Variants in ZNF232 observed in about 807,000 individuals in gnomAD.
ZNF232 encodes the protein zinc finger protein 232, also known as zinc finger and SCAN domain-containing protein 11.
Under a neutral mutation model 25.2 loss-of-function variants are expected in ZNF232, and 25 were observed. The observed-to-expected ratio is 0.99, with a 90% CI of 0.72 to 1.39. ZNF232 has a LOEUF of 1.39. Among genes scored for constraint, ZNF232 ranks in the 40% most tolerant of loss-of-function variants. The pLI is 0.00. For synonymous variants in ZNF232, 193 were observed against 182.9 expected (o/e 1.06, Z -0.45); for missense variants, 519 against 520.9 (o/e 1.00, Z 0.04).
chr17:5,108,238 C>T (rs528802836), intron 3 of ZNF232, among the ~76,000 whole-genome samples: 24 of 152,258 alleles, frequency 1.6e-4, no homozygotes, highest in African/African-American at 4.3e-4. Context: ...ATTCACAATA[C>T]GGTCACAAGG....
chr17:5,109,898 T>C lies in ZNF232; in HGVS notation c.24-30A>G, dbSNP rs763483859. The C allele has an allele frequency of 4.5e-6, 7 of 1,546,608 alleles. No individual in the cohort carries two copies. In the East Asian group the frequency reaches 1.3e-4, roughly 30 times the overall value. On this transcript the variant is annotated intron_variant, in intron 1 of 3. Coordinates refer to ENST00000575898, the Ensembl canonical transcript of ZNF232. ...AACATAAGAAGAAATCATTCCTCTTTTTTTTTTTTAAGACAGAGTCTTTCT... is the reference window on the plus strand; with the variant it reads ...AACATAAGAAGAAATCATTCCTCTTCTTTTTTTTTAAGACAGAGTCTTTCT...
chr17:5,106,152 C>T, exon 4 of ZNF232: 1 of 1,614,220 alleles, frequency 6.2e-7, no homozygotes, highest in Non-Finnish European at 8.5e-7. Context: ...AGTTTTCCCA[C>T]AGTCACTACA....
At chr17:5,106,599 A>C in intron 3 of ZNF232, 66 bp from the exon 4 acceptor site, 1 of 1,322,470 alleles carries the variant, frequency 7.6e-7, no homozygotes, top group Non-Finnish European at 1.0e-6. Flanking sequence ...CAAATGCTTA[A>C]AAACAACTAT....
chr17:5,120,825 G>A (rs1352845924), intron 1 of ZNF232: 1 of 453,380 alleles, frequency 2.2e-6, no homozygotes, highest in African/African-American at 2.0e-5. Flanking sequence ...GCACACATGT[G>A]GGCACATGTG....
At chr17:5,108,882 G>C in intron 3 of ZNF232, 44 bp downstream of exon 3, 4 of 1,612,872 alleles carry the variant, frequency 2.5e-6, no homozygotes, top group Non-Finnish European at 2.5e-6. Context: ...GCCCTTTATA[G>C]TCCCTCTTTC....
exon 2 of ZNF232, chr17:5,109,618 C>A: frequency 6.2e-7 from 1 of 1,614,228 alleles, no homozygotes. Flanking sequence ...TCCCGGGGAC[C>A]AGGAGTCTCC....
At chr17:5,111,726 G>C (rs2072417321) in intron 1 of ZNF232, 74 bp downstream of exon 1, 1 of 1,610,194 alleles carries the variant, frequency 6.2e-7, no homozygotes, top group South Asian at 1.1e-5. Context: ...TCACTGCAGA[G>C]CCGCCGCTGC....
At chr17:5,107,394 GAAAAAAAAAAAA>G (rs749338515) in intron 3 of ZNF232, among the ~76,000 whole-genome samples, 6 of 60,680 alleles carry the variant, frequency 9.9e-5, no homozygotes, top group African/African-American at 1.2e-4. Context: ...TCTCAAAAAG[GAAAAAAAAAAAA>G]AAAAAAAAAA....
exon 4 of ZNF232, chr17:5,106,341 G>T: frequency 6.2e-7 from 1 of 1,614,154 alleles, no homozygotes; most frequent in Non-Finnish European, 8.5e-7. Flanking sequence ...CAGTCTCTCC[G>T]CTTTGGGATT....
At chr17:5,105,774 G>A (rs369614569) in exon 4 of ZNF232, 305 of 1,484,090 alleles carry the variant, frequency 2.1e-4, no homozygotes, top group Non-Finnish European at 2.5e-4. Context: ...CAGTCCTAAA[G>A]TAGATTAGAC....
intron 1 of ZNF232, among the ~76,000 whole-genome samples, chr17:5,122,424 G>A (rs1206757907): frequency 1.3e-5 from 2 of 152,204 alleles, no homozygotes; most frequent in African/African-American, 4.8e-5. Context: ...CAGTATCCTG[G>A]AGTCTCCATG....
chr17:5,106,230 T>C, exon 4 of ZNF232: 2 of 1,614,260 alleles, frequency 1.2e-6, no homozygotes, highest in South Asian at 1.1e-5. Context: ...AATGAAGGTT[T>C]TACCACATTC....
At chr17:5,115,317 C>T (rs922007478), upstream of ZNF232, among the ~76,000 whole-genome samples, 4 of 151,904 alleles carry the variant, frequency 2.6e-5, no homozygotes, top group Admixed American at 1.3e-4. Context: ...TTTGCGAGGC[C>T]GAGGCCAGTG....
chr17:5,109,386 C>T lies in ZNF232; in HGVS notation c.498+8G>A. 6.2e-7 allele frequency: 1 copy of T among 1,614,118 alleles called. No homozygotes were observed. Among genetic ancestry groups the T allele is most frequent in the Non-Finnish European group, 8.5e-7 (1 of 1,180,002 alleles). ...GGCTCCCATAACAGACCAAATCCCC[C>T]TTCCCACCTGCGGCTCTGGTTCAAG... On this transcript the variant is annotated splice_region_variant and intron_variant, in intron 2 of 3. Coordinates refer to ENST00000575898, the Ensembl canonical transcript of ZNF232.
chr17:5,115,332 A>T (rs1455991280), upstream of ZNF232, among the ~76,000 whole-genome samples: 2 of 151,960 alleles, frequency 1.3e-5, no homozygotes, highest in Admixed American at 1.3e-4. Flanking sequence ...CCAGTGGATC[A>T]CCTGAGGTCA....
At chr17:5,110,614 AG>A (rs1201366733) in intron 1 of ZNF232, among the ~76,000 whole-genome samples, 2 of 152,206 alleles carry the variant, frequency 1.3e-5, no homozygotes, top group African/African-American at 4.8e-5. Context: ...CTACAGCAAA[AG>A]AAAAATATAA....
chr17:5,106,184 A>G, exon 4 of ZNF232: 1 of 1,614,236 alleles, frequency 6.2e-7, no homozygotes, highest in Non-Finnish European at 8.5e-7. Flanking sequence ...TCTCTCCAGA[A>G]TGAACTCTCT....
intron 1 of ZNF232, among the ~76,000 whole-genome samples, chr17:5,110,511 C>T (rs1008113148): frequency 1.3e-5 from 2 of 152,164 alleles, no homozygotes; most frequent in Non-Finnish European, 2.9e-5. Context: ...GAGCCCAGAG[C>T]CGAGCAGCTT....
intron 3 of ZNF232, 77 bp downstream of exon 3, chr17:5,108,849 C>G: frequency 6.2e-7 from 1 of 1,600,854 alleles, no homozygotes; most frequent in Non-Finnish European, 8.5e-7. Context: ...TACTATTTAC[C>G]CTTTACAGGT....
Sources: gnomAD v4.1 joint callset for allele counts (sites outside exome capture counted in the v4.1 genomes callset) on GRCh38, gnomAD v4.1.1 for gene constraint, MANE v1.5 for transcripts, NCBI Gene and HGNC (gene_info 2026-07-23, HGNC 2026-07-21) for gene names.